Variants in COL5A2 observed in about 807,000 individuals in gnomAD.
COL5A2 encodes collagen alpha-2(V) chain.
COL5A2 carries 23 observed loss-of-function variants against 208.2 expected under a neutral mutation model. That is an observed-to-expected ratio of 0.11 (90% CI 0.08 to 0.16). COL5A2 has a LOEUF of 0.16. COL5A2 is among the 10% of genes least tolerant of loss of function. The pLI is 1.00. For synonymous variants in COL5A2, 625 were observed against 628.5 expected, an observed-to-expected ratio of 0.99 and a Z score of 0.08; for missense variants, 1,590 against 1,956.4, an observed-to-expected ratio of 0.81 and a Z score of 3.53.
chr2:189,359,450 A>G, the COL5A2 span, among the ~76,000 whole-genome samples: 1 of 152,106 alleles, frequency 6.6e-6, no homozygotes, highest in Non-Finnish European at 1.5e-5. Context: ...TAATCCTTTT[A>G]AATGCTGTTG....
At chr2:189,292,545 C>A in the COL5A2 span, among the ~76,000 whole-genome samples, 3 of 152,142 alleles carry the variant, frequency 2.0e-5, no homozygotes, top group African/African-American at 7.2e-5. Flanking sequence ...AAATCAAAAC[C>A]ACAATGAGAT....
At chr2:189,437,301 C>T in the COL5A2 span, among the ~76,000 whole-genome samples, 623 of 152,276 alleles carry the variant, frequency 4.1e-3, 1 homozygote, top group Middle Eastern at 6.8e-3. Context: ...TAAAGTAGTA[C>T]TTCTCAAACT....
At chr2:189,241,893 C>A in the COL5A2 span, among the ~76,000 whole-genome samples, 1 of 152,120 alleles carries the variant, frequency 6.6e-6, no homozygotes, top group Admixed American at 6.5e-5. Context: ...TCTCCCCTAC[C>A]CAACCTTTGC....
At chr2:189,242,296 C>T in the COL5A2 span, among the ~76,000 whole-genome samples, 1 of 152,152 alleles carries the variant, frequency 6.6e-6, no homozygotes, top group African/African-American at 2.4e-5. Context: ...AGGTGTTTTA[C>T]ACACATGGCC....
At chr2:189,084,136 C>G in intron 11 of COL5A2, 99 bp from the exon 12 acceptor site, 1 of 838,566 alleles carries the variant, frequency 1.2e-6, no homozygotes, top group Admixed American at 1.9e-5. Flanking sequence ...AAACAGTCTT[C>G]TTTAGAAAGC....
chr2:189,303,990 T>C, the COL5A2 span, among the ~76,000 whole-genome samples: 1 of 152,222 alleles, frequency 6.6e-6, no homozygotes, highest in Non-Finnish European at 1.5e-5. Flanking sequence ...ATTAGGTCTC[T>C]GCAACTAAAG....
chr2:189,240,159 C>A, the COL5A2 span, among the ~76,000 whole-genome samples: 1 of 152,170 alleles, frequency 6.6e-6, no homozygotes, highest in South Asian at 2.1e-4. Context: ...GGTAGCCTTA[C>A]CAAAAAATGC....
chr2:189,116,941 T>A (rs558993868), intron 1 of COL5A2, among the ~76,000 whole-genome samples: 1 of 152,190 alleles, frequency 6.6e-6, no homozygotes, highest in Non-Finnish European at 1.5e-5. Flanking sequence ...TCAGTGAGCA[T>A]ATGAATTTAA....
chr2:189,430,385 C>T, the COL5A2 span, among the ~76,000 whole-genome samples: 2 of 152,124 alleles, frequency 1.3e-5, no homozygotes, highest in African/African-American at 4.8e-5. Context: ...ATGTTAGGGC[C>T]TGAGGTCACC....
intron 1 of COL5A2, among the ~76,000 whole-genome samples, chr2:189,222,520 T>C (rs1163310955): frequency 6.6e-6 from 1 of 152,112 alleles, no homozygotes; most frequent in Non-Finnish European, 1.5e-5. Context: ...TATCCTCCTA[T>C]CCAGGAAAGG....
At chr2:189,043,993 T>C (rs983740236) in intron 47 of COL5A2, among the ~76,000 whole-genome samples, 12 of 152,302 alleles carry the variant, frequency 7.9e-5, no homozygotes, top group Admixed American at 5.2e-4. Context: ...TGTTTTGTTA[T>C]TGTTGGTGGT....
At chr2:189,418,248 C>T in the COL5A2 span, among the ~76,000 whole-genome samples, 3 of 152,150 alleles carry the variant, frequency 2.0e-5, no homozygotes, top group Non-Finnish European at 4.4e-5. Context: ...GTAATCTTCA[C>T]TGTCATTTCC....
chr2:189,258,823 C>G, the COL5A2 span, among the ~76,000 whole-genome samples: 1 of 152,200 alleles, frequency 6.6e-6, no homozygotes, highest in South Asian at 2.1e-4. Flanking sequence ...GCCAGGAGAA[C>G]CGGGTGCCAA....
chr2:189,334,544 C>T, the COL5A2 span, among the ~76,000 whole-genome samples: 3 of 151,816 alleles, frequency 2.0e-5, no homozygotes, highest in Admixed American at 2.0e-4. Context: ...ATTTCAAGAT[C>T]TTTATTAAAA....
the COL5A2 span, among the ~76,000 whole-genome samples, chr2:189,410,465 C>T: frequency 1.3e-5 from 2 of 151,900 alleles, no homozygotes; most frequent in African/African-American, 4.8e-5. Flanking sequence ...GCTGGGAAGT[C>T]GGAGGCAGGA....
chr2:189,251,084 A>C, the COL5A2 span, among the ~76,000 whole-genome samples: 1 of 152,226 alleles, frequency 6.6e-6, no homozygotes, highest in Non-Finnish European at 1.5e-5. Context: ...TGAGGATTAC[A>C]TGTGAGCAAG....
chr2:189,111,953 C>T (rs529217415), intron 1 of COL5A2, among the ~76,000 whole-genome samples: 1 of 151,978 alleles, frequency 6.6e-6, no homozygotes, highest in African/African-American at 2.4e-5. Context: ...GCAACCTCCG[C>T]TTCCTGGGTT....
At chr2:189,365,257 T>A in the COL5A2 span, among the ~76,000 whole-genome samples, 2 of 152,242 alleles carry the variant, frequency 1.3e-5, no homozygotes, top group East Asian at 1.9e-4. Flanking sequence ...CTTTAAGTCA[T>A]GGTTAGTTAT....
At chr2:189,090,655 C>A (rs1485683866) in intron 7 of COL5A2, among the ~76,000 whole-genome samples, 2 of 152,128 alleles carry the variant, frequency 1.3e-5, no homozygotes, top group African/African-American at 2.4e-5. Context: ...TAAGCTAAGA[C>A]CAGTGTTTAT....
Sources: gnomAD v4.1 joint callset for allele counts (sites outside exome capture counted in the v4.1 genomes callset) on GRCh38, gnomAD v4.1.1 for gene constraint, MANE v1.5 for transcripts, NCBI Gene and HGNC (gene_info 2026-07-23, HGNC 2026-07-21) for gene names.